Variants in COL19A1 observed in about 807,000 individuals in gnomAD.
COL19A1 encodes collagen type XIX alpha 1 chain, also known as collagen alpha-1(XIX) chain.
Under a neutral mutation model 190.2 loss-of-function variants are expected in COL19A1, and 159 were observed. That is an observed-to-expected ratio of 0.84 (90% CI 0.73 to 0.95). The LOEUF (loss-of-function observed/expected upper bound fraction) is 0.95, where lower values mean the gene tolerates loss of function less well. Among genes scored for constraint, COL19A1 ranks in the 40% least tolerant of loss-of-function variants. The probability of loss-of-function intolerance (pLI) is 0.00; values close to 1 mark genes in which losing one functional copy is unlikely to be tolerated. For synonymous variants in COL19A1, 509 were observed against 458.9 expected, an observed-to-expected ratio of 1.11 and a Z score of -1.39; for missense variants, 1,418 against 1,431.9, an observed-to-expected ratio of 0.99 and a Z score of 0.16.
rs1010398330 is a variant in COL19A1 at position 70,210,346 on chromosome 6, A to G, written c.*3072A>G. Among the ~76,000 whole-genome samples the G allele has an allele frequency of 2.0e-5, 3 of 152,164 alleles. No individual in the cohort carries two copies. The highest frequency in any genetic ancestry group is 4.4e-5 in the Non-Finnish European group (3 of 67,982). ...AGAAGAATAATTCATGGATTTGTTC[A>G]TTGTTCTTTCCAACTGAAGGCAGTA... On this transcript the variant is annotated 3_prime_UTR_variant, in exon 51 of 51. Transcript: ENST00000620364.
At chr6:69,938,494 CTT>C (rs5877235) in intron 9 of COL19A1, among the ~76,000 whole-genome samples, 2 of 149,826 alleles carry the variant, frequency 1.3e-5, no homozygotes, top group African/African-American at 4.9e-5. Context: ...AGCTCTCTAC[CTT>C]TTTTTTTTAA....
intron 4 of COL19A1, among the ~76,000 whole-genome samples, chr6:69,921,768 G>A (rs1364084892): frequency 1.4e-5 from 2 of 145,608 alleles, no homozygotes; most frequent in Admixed American, 6.9e-5. Context: ...ATGTAGATTC[G>A]TATATGTATA....
intron 9 of COL19A1, among the ~76,000 whole-genome samples, chr6:69,940,520 A>G (rs1773401979): frequency 6.6e-6 from 1 of 152,218 alleles, no homozygotes; most frequent in Non-Finnish European, 1.5e-5. Context: ...TTGTATGTCA[A>G]ATCTATAAAA....
intron 14 of COL19A1, among the ~76,000 whole-genome samples, chr6:70,040,340 C>T (rs774900244): frequency 1.3e-5 from 2 of 152,042 alleles, no homozygotes; most frequent in Non-Finnish European, 2.9e-5. Context: ...GAGGAAATGG[C>T]GTGAAACACA....
chr6:70,136,670 C>A (rs368799107), intron 18 of COL19A1, among the ~76,000 whole-genome samples: 3 of 151,968 alleles, frequency 2.0e-5, no homozygotes, highest in African/African-American at 7.3e-5. Context: ...GAGTGGCTCC[C>A]TCTGGGTGGA....
chr6:70,062,957 A>G (rs968202160), intron 14 of COL19A1, among the ~76,000 whole-genome samples: 14 of 152,148 alleles, frequency 9.2e-5, no homozygotes, highest in African/African-American at 3.4e-4. Context: ...TGCACCCAAT[A>G]CAGGAGCACC....
At chr6:69,904,181 C>G (rs1350352236) in intron 4 of COL19A1, among the ~76,000 whole-genome samples, 1 of 152,164 alleles carries the variant, frequency 6.6e-6, no homozygotes, top group African/African-American at 2.4e-5. Context: ...ATCATCTGGC[C>G]CCCAGGTATT....
chr6:69,919,355 A>G (rs1771542451), intron 4 of COL19A1, among the ~76,000 whole-genome samples: 1 of 152,220 alleles, frequency 6.6e-6, no homozygotes, highest in African/African-American at 2.4e-5. Flanking sequence ...AGAAAGCTCT[A>G]AAAGTAGATA....
At position 70,156,190 on chromosome 6, in the gene COL19A1, G is replaced by A. The variant is rs1172152007; in HGVS notation, c.2143G>A (p.Gly715Ser). 66 of 1,613,374 alleles carry A rather than the reference G, an allele frequency of 4.1e-5. No individual in the cohort carries two copies. Among genetic ancestry groups the A allele is most frequent in the Non-Finnish European group, 5.6e-5 (66 of 1,179,590 alleles). Residue 715 changes from glycine (G) to serine (S), a missense_variant, in exon 32 of 51, where the codon GGT (glycine) becomes AGT (serine). Coordinates refer to ENST00000620364, the MANE Select transcript of COL19A1 (RefSeq NM_001858.6). ...GLKSNKGEEG[G>S]AGEPGKYDSM... ...GAAAAGCAACAAAGGAGAAGAAGGA[G>A]GTGCTGGTGAGCCTGGAAAGTATGA... is the stretch of plus-strand genomic sequence containing the variant.
At chr6:69,884,245 G>C (rs1768761028) in intron 2 of COL19A1, among the ~76,000 whole-genome samples, 1 of 151,180 alleles carries the variant, frequency 6.6e-6, no homozygotes, top group Admixed American at 6.6e-5. Context: ...TGAGGCAGGA[G>C]AATCACTTGA....
chr6:70,064,510 G>A (rs541520574), intron 14 of COL19A1, among the ~76,000 whole-genome samples: 110 of 152,090 alleles, frequency 7.2e-4, no homozygotes, highest in African/African-American at 1.3e-3. Flanking sequence ...TATCATACTG[G>A]ATGGGCAAAA....
At chr6:70,114,650 C>A (rs1784464707) in intron 16 of COL19A1, among the ~76,000 whole-genome samples, 1 of 152,094 alleles carries the variant, frequency 6.6e-6, no homozygotes, top group Non-Finnish European at 1.5e-5. Flanking sequence ...ATTTCCAAAG[C>A]AAAAGGGTTG....
At chr6:69,957,253 G>T (rs1349583213) in intron 9 of COL19A1, among the ~76,000 whole-genome samples, 1 of 152,016 alleles carries the variant, frequency 6.6e-6, no homozygotes, top group Non-Finnish European at 1.5e-5. Context: ...TGATTACAAG[G>T]ACGTAAAATT....
chr6:70,172,819 C>G (rs187389992), intron 41 of COL19A1, among the ~76,000 whole-genome samples: 12 of 152,264 alleles, frequency 7.9e-5, no homozygotes, highest in African/African-American at 2.9e-4. Context: ...TCGGTGATTT[C>G]TGAGTAGTGG....
chr6:70,141,688 T>A (rs1451872508), intron 20 of COL19A1, among the ~76,000 whole-genome samples: 1 of 152,056 alleles, frequency 6.6e-6, no homozygotes, highest in Non-Finnish European at 1.5e-5. Context: ...AAAATTATTA[T>A]AATGAAGAAA....
chr6:69,875,953 T>C (rs754048489), intron 1 of COL19A1, among the ~76,000 whole-genome samples: 3 of 152,016 alleles, frequency 2.0e-5, no homozygotes, highest in Admixed American at 6.6e-5. Context: ...GGCTCACAGA[T>C]CCCAGTATTA....
chr6:69,933,035 C>A (rs763392413), intron 7 of COL19A1, among the ~76,000 whole-genome samples, 172 bp downstream of exon 7: 4 of 152,046 alleles, frequency 2.6e-5, no homozygotes, highest in Non-Finnish European at 5.9e-5. Flanking sequence ...TTACTTTCAA[C>A]AGTTTTAATC....
At chr6:70,131,579 C>A (rs1785525460) in intron 18 of COL19A1, among the ~76,000 whole-genome samples, 1 of 152,132 alleles carries the variant, frequency 6.6e-6, no homozygotes, top group Non-Finnish European at 1.5e-5. Flanking sequence ...AACATTATTT[C>A]CTGTAACCTA....
chr6:69,929,121 C>A (rs958656442), intron 5 of COL19A1, among the ~76,000 whole-genome samples: 37 of 150,968 alleles, frequency 2.5e-4, no homozygotes, highest in African/African-American at 8.6e-4. Flanking sequence ...TATATATAAA[C>A]TTATAAATGG....
Sources: allele counts gnomAD v4.1 joint callset (sites outside exome capture counted in the v4.1 genomes callset), GRCh38; gene constraint gnomAD v4.1.1; transcripts MANE v1.5; gene names NCBI Gene and HGNC (gene_info 2026-07-23, HGNC 2026-07-21).